The following KRI1 variants were observed in gnomAD, a reference collection of about 807,000 sequenced individuals.
The protein encoded by KRI1 is KRI1 homolog, also known as protein KRI1 homolog.
A neutral mutation model predicts 97.0 loss-of-function variants in KRI1; 83 were observed. That is an observed-to-expected ratio of 0.86 (90% CI 0.72 to 1.03). KRI1 has a LOEUF of 1.03. KRI1 is among the 50% of genes least tolerant of loss of function. The pLI, the probability that KRI1 is intolerant of heterozygous loss-of-function variation, is 0.00. For synonymous variants in KRI1, 371 were observed against 363.5 expected (o/e 1.02, Z -0.23); for missense variants, 916 against 928.4 (o/e 0.99, Z 0.17).
chr19:10,559,315 TTG>T, intron 12 of KRI1, 42 bp downstream of exon 12: 1 of 1,591,562 alleles, frequency 6.3e-7, no homozygotes, highest in African/African-American at 1.3e-5. Context: ...AGAGCCATGT[TTG>T]TGTGAACTCA....
In KRI1 at chr19:10,557,770, G is replaced by C. The variant is rs144686336; in HGVS notation, c.1485C>G (p.Pro495=). The change falls in exon 15 of 19, where the codon CCC becomes CCG. Residue 495 remains proline, a splice_region_variant and synonymous_variant. Transcript: ENST00000312962. ...AVGQEKPVFE[P]GDKTFEEYLD... is the part of the protein sequence containing the mutation. ...ACGGCCTGCCCACCTGGGCCTCACC[G>C]GGTTCAAACACGGGCTTCTCCTGCC... 1.7e-5 allele frequency: 28 copies of C among 1,613,372 alleles called. No homozygotes were observed. The South Asian group carries it at 2.7e-4, about 16-fold the overall frequency.
chr19:10,562,856 C>T lies in KRI1; in HGVS notation c.275-19G>A. 1 of 1,411,246 alleles carries T rather than the reference C, an allele frequency of 7.1e-7. No homozygotes were observed. The highest frequency in any genetic ancestry group is 1.0e-6 in the Non-Finnish European group (1 of 994,742). 87.4% of individuals were successfully genotyped at this position (1,411,246 alleles called of 1,614,324 possible). On this transcript the variant is annotated intron_variant, in intron 3 of 18. Coordinates refer to ENST00000312962, the MANE Select transcript of KRI1 (RefSeq NM_023008.5). Reference sequence around the variant, plus strand: ...GACGATGCTGTTAACCCACCAAAGACACCTGCCATCACCCACAACCCCCTT... The same window carrying T: ...GACGATGCTGTTAACCCACCAAAGATACCTGCCATCACCCACAACCCCCTT...
rs888964792 is a variant in KRI1 at position 10,555,327 on chromosome 19, T to C, written c.1640A>G (p.Glu547Gly). The C allele has an allele frequency of 1.2e-5, 20 of 1,614,008 alleles. No homozygotes were observed. Among genetic ancestry groups the C allele is most frequent in the Admixed American group, 1.7e-5 (1 of 60,010 alleles). ...CTTTAGGGAGCACCACCGGTTCAGC[T>C]CCTTATCGTCAGCAGCGAGGATCTG... ...TEEILAADDK[E>G]LNRWCSLKKT... is the part of the protein sequence containing the mutation. The change falls in exon 17 of 19, where the codon GAG becomes GGG. Residue 547 changes from glutamate to glycine, a missense_variant. By Grantham distance (98) the Glu-to-Gly change is moderately conservative. Transcript: ENST00000312962.
At chr19:10,565,321 G>C in intron 2 of KRI1, 1 of 545,946 alleles carries the variant, frequency 1.8e-6, no homozygotes, top group Non-Finnish European at 3.2e-6. Context: ...GGGCACAAGA[G>C]AGACAGCGGG....
At position 10,553,743 on chromosome 19, in the gene KRI1, G is replaced by A. The variant is rs1426333612; in HGVS notation, c.*208C>T. 5.5e-6 allele frequency: 3 copies of A among 550,452 alleles called. No homozygotes were observed. The highest frequency in any genetic ancestry group is 3.8e-5 in the African/African-American group (2 of 52,788). The allele number at this position is 550,452 out of a possible 1,614,324, so 34.1% of individuals were successfully genotyped here. On this transcript the variant is annotated 3_prime_UTR_variant, in exon 19 of 19. Coordinates refer to ENST00000312962, the MANE Select transcript of KRI1 (RefSeq NM_023008.5). ...GGCATGTGTCACCACATTTTGTAGAGATGGAGTCTCGCTAAGTTGCCCACG... is the reference window on the plus strand; with the variant it reads ...GGCATGTGTCACCACATTTTGTAGAAATGGAGTCTCGCTAAGTTGCCCACG...
intron 5 of KRI1, 27 bp downstream of exon 5, chr19:10,561,764 C>T (rs1199932799): frequency 1.9e-6 from 3 of 1,614,042 alleles, no homozygotes; most frequent in East Asian, 4.5e-5. Flanking sequence ...CCCCTCAGCC[C>T]CCCGACCCAG....
At position 10,560,349 on chromosome 19, in the gene KRI1, C is replaced by T. The variant is rs749049348; in HGVS notation, c.763G>A (p.Glu255Lys). 6.0e-5 allele frequency: 96 copies of T among 1,607,906 alleles called. No individual in the cohort carries two copies. In the South Asian group the frequency reaches 9.2e-4, roughly 15 times the overall value. ...TCCATTTCCTCTTCATCTTCCTCCT[C>T]CTCTTCCTCCTCCTCATAGCGTTTG... ...LNKRYEEEEEEEEDEEEMEEE... is the reference protein window; with the variant it reads ...LNKRYEEEEEKEEDEEEMEEE... The change falls in exon 9 of 19, where the codon GAG (glutamate) becomes AAG (lysine). Residue 255 changes from glutamate to lysine, a missense_variant. Around this residue, in one of 3 missense-constraint regions of KRI1, gnomAD observed 672 missense variants for 667.2 expected, o/e 1.01. Coordinates refer to ENST00000312962, the MANE Select transcript of KRI1 (RefSeq NM_023008.5).
chr19:10,557,630 C>T lies in KRI1; in HGVS notation c.1539G>A (p.Glu513=). The change falls in exon 16 of 19, where the codon GAG becomes GAA. Residue 513 remains glutamate, a synonymous_variant. Transcript: ENST00000312962. ...YLDEYYRLDY[E]DIIDDLPCRF... ...GACAGGGCAGGTCGTCGATGATGTC[C>T]TCGTAGTCCAGCCGGTAATACTCAT... The T allele has an allele frequency of 6.2e-7, 1 of 1,614,198 alleles. No individual in the cohort carries two copies. The highest frequency in any genetic ancestry group is 1.1e-5 in the South Asian group (1 of 91,088).
rs1916356092 is a variant in KRI1 at position 10,553,149 on chromosome 19, A to G, written c.*802T>C. 3 of 1,445,722 alleles carry G rather than the reference A, an allele frequency of 2.1e-6. No individual in the cohort carries two copies. Among genetic ancestry groups the G allele is most frequent in the Non-Finnish European group, 2.8e-6 (3 of 1,088,940 alleles). The allele number at this position is 1,445,722 out of a possible 1,614,324, so 89.6% of individuals were successfully genotyped here. On this transcript the variant is annotated 3_prime_UTR_variant, in exon 19 of 19. Transcript: ENST00000312962. ...CGGGTGTGGGATCTTGAGCTCTGGC[A>G]GTGATGATGGTACTTCCTGTTGTCA...
At position 10,553,516 on chromosome 19, in the gene KRI1, C is replaced by G. The variant is rs1916379826; in HGVS notation, c.*435G>C. On this transcript the variant is annotated 3_prime_UTR_variant, in exon 19 of 19. Transcript: ENST00000312962. ...AGTCACGGGAAGTTTAAGTCAGCCT[C>G]AGTTTCCACATCCATAAAATGGGAC... The G allele has an allele frequency of 5.5e-6, 1 of 183,358 alleles. No homozygotes were observed. The highest frequency in any genetic ancestry group is 1.1e-5 in the Non-Finnish European group (1 of 89,004). 11.4% of individuals were successfully genotyped at this position (183,358 alleles called of 1,614,324 possible).
rs1916407344 is a variant in KRI1, at chr19:10,553,998, G to T, written c.2065C>A (p.Leu689Met). The T allele has an allele frequency of 1.2e-6, 2 of 1,612,726 alleles. No homozygotes were observed. The highest frequency in any genetic ancestry group is 4.5e-5 in the East Asian group (2 of 44,864). ...LNPKRLHFRQ[L>M]GRQRRKQQGP... ...TGTTGTTTCCTCCGCTGCCGGCCCA[G>T]CTGGCGGAAGTGCAGCCGTTTGGGG... Residue 689 changes from leucine to methionine, a missense_variant, in exon 19 of 19, where the codon CTG (leucine) becomes ATG (methionine). Physicochemically the swap from Leu to Met is conservative, Grantham distance 15 (BLOSUM62 2). Around this residue, in one of 3 missense-constraint regions of KRI1, gnomAD observed 672 missense variants for 667.2 expected, o/e 1.01. Transcript: ENST00000312962.
At position 10,565,957 on chromosome 19, in the gene KRI1, C is replaced by T; in HGVS notation, c.43G>A (p.Ala15Thr). 6.5e-7 allele frequency: 1 copy of T among 1,528,596 alleles called. No homozygotes were observed. The allele number at this position is 1,528,596 out of a possible 1,614,324, so 94.7% of individuals were successfully genotyped here. Reference protein sequence around the residue: ...RGSSQLRVNAAFAARYNRYRE... With the variant: ...RGSSQLRVNATFAARYNRYRE... ...TAGCGGTTGTACCGCGCGGCAAACG[C>T]CGCGTTCACCCGCAGCTGCGACGAC... The change falls in exon 1 of 19, where the codon GCG (alanine) becomes ACG (threonine). Residue 15 changes from alanine (A) to threonine (T), a missense_variant. Physicochemically the swap from Ala to Thr is moderately conservative, Grantham distance 58. Coordinates refer to ENST00000312962, the MANE Select transcript of KRI1 (RefSeq NM_023008.5).
intron 1 of KRI1, 29 bp from the exon 2 acceptor site, chr19:10,565,819 C>CCG (rs773049401): frequency 1.3e-6 from 2 of 1,550,732 alleles, no homozygotes; most frequent in Non-Finnish European, 1.7e-6. Context: ...ATGCCCCCCC[C>CCG]CAGGTCAGCC....
At chr19:10,562,859 C>G (rs1916742101) in intron 3 of KRI1, 22 bp from the exon 4 acceptor site, 3 of 1,409,832 alleles carry the variant, frequency 2.1e-6, no homozygotes, top group Non-Finnish European at 3.0e-6. Context: ...CCAAAGACAC[C>G]TGCCATCACC....
At chr19:10,561,644 C>G in intron 6 of KRI1, 23 bp downstream of exon 6, 9 of 1,612,462 alleles carry the variant, frequency 5.6e-6, no homozygotes, top group Non-Finnish European at 7.6e-6. Flanking sequence ...TCCATTGGGC[C>G]ATTCCCGCCC....
rs1370504185 is a variant in KRI1, at chr19:10,561,021, T to A, written c.645A>T (p.Pro215=). 2.5e-6 allele frequency: 4 copies of A among 1,614,000 alleles called. No individual in the cohort carries two copies. In the East Asian group the frequency reaches 8.9e-5, roughly 36 times the overall value. ...AACTCACCAGTTCCTTCAGGGAATCTGGGTTCCGAATCTCTTTCTGTCCCT... is the reference window on the plus strand; with the variant it reads ...AACTCACCAGTTCCTTCAGGGAATCAGGGTTCCGAATCTCTTTCTGTCCCT... The part of the protein sequence containing the change: ...WLKGQKEIRN[P]DSLKELTHLK... Residue 215 remains proline (P), a synonymous_variant, in exon 8 of 19, where the codon CCA becomes CCT. Coordinates refer to ENST00000312962, the MANE Select transcript of KRI1 (RefSeq NM_023008.5).
rs1032636315 is a variant in KRI1 at position 10,553,728 on chromosome 19, A to G, written c.*223T>C. The G allele has an allele frequency of 1.7e-5, 9 of 524,346 alleles. No homozygotes were observed. The Admixed American group carries it at 3.2e-4, about 19-fold the overall frequency. 32.5% of individuals were successfully genotyped at this position (524,346 alleles called of 1,614,324 possible). A position where few individuals can be genotyped will look rare whatever the true frequency, so the allele number is the denominator to read the frequency against. On this transcript the variant is annotated 3_prime_UTR_variant, in exon 19 of 19. Transcript: ENST00000312962. Reference sequence around the variant, plus strand: ...GTAGCTGGGACTACAGGCATGTGTCACCACATTTTGTAGAGATGGAGTCTC... The same window carrying G: ...GTAGCTGGGACTACAGGCATGTGTCGCCACATTTTGTAGAGATGGAGTCTC...
At chr19:10,554,962 A>G in intron 18 of KRI1, 125 bp downstream of exon 18, 1 of 726,120 alleles carries the variant, frequency 1.4e-6, no homozygotes, top group Non-Finnish European at 2.3e-6. Flanking sequence ...TAGGATTCGA[A>G]CCCAGGTCTC....
rs1216489952 is a variant in KRI1 at position 10,565,720 on chromosome 19, G to A, written c.165C>T (p.Arg55=). Residue 55 remains arginine, a synonymous_variant, in exon 2 of 19, where the codon CGC becomes CGT. Transcript: ENST00000312962. ...AGGACGGGGCGGGGACGCGCACCAC[G>A]CGCTCGTCGCTTGAGTCCGACTCGG... ...SSSESDSSDE[R]VEFDPQQERD... is the part of the protein sequence containing the mutation. 6.4e-7 allele frequency: 1 copy of A among 1,564,976 alleles called. No homozygotes were observed. Among genetic ancestry groups the A allele is most frequent in the Non-Finnish European group, 8.6e-7 (1 of 1,156,338 alleles).
Sources: gnomAD v4.1 joint callset for allele counts on GRCh38, gnomAD v4.1.1 for gene constraint, gnomAD v4.1.1 regional missense constraint, MANE v1.5 for transcripts, NCBI Gene and HGNC (gene_info 2026-07-23, HGNC 2026-07-21) for gene names.